Variants in ADAMTS5 observed in about 807,000 individuals in gnomAD.
The protein encoded by ADAMTS5 is ADAM metallopeptidase with thrombospondin type 1 motif 5.
ADAMTS5 carries 54 observed loss-of-function variants against 81.4 expected under a neutral mutation model. The observed-to-expected ratio is 0.66, with a 90% CI of 0.53 to 0.83. The LOEUF (loss-of-function observed/expected upper bound fraction) is 0.83. ADAMTS5 is among the 40% of genes least tolerant of loss of function. The pLI, the probability that ADAMTS5 is intolerant of heterozygous loss-of-function variation, is 0.00. For missense variants in ADAMTS5, 1,194 were observed against 1,229.9 expected, an observed-to-expected ratio of 0.97 and a Z score of 0.44; for synonymous variants, 532 against 508.8, an observed-to-expected ratio of 1.05 and a Z score of -0.61.
At chr21:26,931,693 A>G (rs1372622716) in intron 6 of ADAMTS5, among the ~76,000 whole-genome samples, 1 of 152,188 alleles carries the variant, frequency 6.6e-6, no homozygotes, top group Non-Finnish European at 1.5e-5. Context: ...AGGAAATACT[A>G]GTTGTTTTCA....
intron 2 of ADAMTS5, among the ~76,000 whole-genome samples, chr21:26,949,228 T>C (rs1318214957): frequency 6.8e-6 from 1 of 147,296 alleles, no homozygotes; most frequent in African/African-American, 2.5e-5. Context: ...GAGAGAGTCT[T>C]GCTGTATCAC....
At chr21:26,958,971 T>C (rs930021747) in intron 1 of ADAMTS5, among the ~76,000 whole-genome samples, 1 of 152,174 alleles carries the variant, frequency 6.6e-6, no homozygotes, top group Non-Finnish European at 1.5e-5. Context: ...CAGAGTCTTT[T>C]GGGAATGACA....
chr21:26,924,485 A>G lies in ADAMTS5; in HGVS notation c.2361T>C (p.Asn787=), dbSNP rs747980766. ...CTGAAGTGGAGATCATGTACTTTCC[A>G]TTGATAAGGTACTCACCGTTTTTCT... The part of the protein sequence containing the change: ...LKKKNGEYLI[N]GKYMISTSET... Residue 787 remains asparagine (N), a synonymous_variant, in exon 8 of 8, where the codon AAT becomes AAC. Coordinates refer to ENST00000284987, the MANE Select transcript of ADAMTS5 (RefSeq NM_007038.5). 6.2e-7 allele frequency: 1 copy of G among 1,614,160 alleles called. No homozygotes were observed. Among genetic ancestry groups the G allele is most frequent in the Non-Finnish European group, 8.5e-7 (1 of 1,180,022 alleles).
At chr21:26,936,802 T>C (rs1201476719) in intron 3 of ADAMTS5, among the ~76,000 whole-genome samples, 1 of 152,216 alleles carries the variant, frequency 6.6e-6, no homozygotes, top group Non-Finnish European at 1.5e-5. Context: ...CACTAAGCTT[T>C]GTTTATAAGA....
intron 7 of ADAMTS5, among the ~76,000 whole-genome samples, chr21:26,928,599 C>T (rs963383234): frequency 2.7e-5 from 4 of 149,950 alleles, no homozygotes; most frequent in African/African-American, 9.7e-5. Flanking sequence ...CCCTCTCTCC[C>T]TCCTTTCCTT....
intron 1 of ADAMTS5, among the ~76,000 whole-genome samples, chr21:26,959,970 G>A (rs896457866): frequency 6.6e-6 from 1 of 152,108 alleles, no homozygotes; most frequent in Non-Finnish European, 1.5e-5. Context: ...GCCTTAGCCT[G>A]GCATTCAAAA....
At chr21:26,943,856 A>G (rs897185923) in intron 2 of ADAMTS5, among the ~76,000 whole-genome samples, 1 of 152,152 alleles carries the variant, frequency 6.6e-6, no homozygotes, top group Non-Finnish European at 1.5e-5. Flanking sequence ...AGTTTGCGAG[A>G]CAATTGTGGG....
chr21:26,965,195 A>T, intron 1 of ADAMTS5, 93 bp downstream of exon 1: 1 of 1,491,234 alleles, frequency 6.7e-7, no homozygotes, highest in Non-Finnish European at 9.0e-7. Flanking sequence ...CAGCTGCAGG[A>T]GGTTTGAGGG....
In ADAMTS5 at chr21:26,924,067, A is replaced by G; in HGVS notation, c.2779T>C (p.Leu927=). 1 of 1,595,342 alleles carries G rather than the reference A, an allele frequency of 6.3e-7. No individual in the cohort carries two copies. Among genetic ancestry groups the G allele is most frequent in the South Asian group, 1.1e-5 (1 of 90,212 alleles). Residue 927 remains leucine, a synonymous_variant, in exon 8 of 8, where the codon TTG becomes CTG. Coordinates refer to ENST00000284987, the MANE Select transcript of ADAMTS5 (RefSeq NM_007038.5). ...QRPSAFKQCL[L]KKC The stretch of plus-strand genomic sequence containing the variant: ...ATAACCACAGGCTAACATTTCTTCA[A>G]CAAGCATTGCTTAAACGCAGAAGGC...
At chr21:26,954,452 G>T (rs1475821100) in intron 2 of ADAMTS5, among the ~76,000 whole-genome samples, 1 of 152,064 alleles carries the variant, frequency 6.6e-6, no homozygotes, top group African/African-American at 2.4e-5. Context: ...TTCATCCAGG[G>T]GTCATTTACG....
chr21:26,965,018 T>A (rs1249322030), intron 1 of ADAMTS5, among the ~76,000 whole-genome samples: 2 of 152,226 alleles, frequency 1.3e-5, no homozygotes, highest in East Asian at 3.9e-4. Context: ...TTTACGTTCC[T>A]ATGCCACAAC....
intron 2 of ADAMTS5, among the ~76,000 whole-genome samples, chr21:26,947,193 C>A (rs920654536): frequency 5.3e-5 from 8 of 152,252 alleles, no homozygotes; most frequent in Middle Eastern, 3.4e-3. Context: ...ATCTTTAATT[C>A]TTGATGATGT....
At chr21:26,940,098 C>T (rs1987085417) in intron 3 of ADAMTS5, among the ~76,000 whole-genome samples, 1 of 152,142 alleles carries the variant, frequency 6.6e-6, no homozygotes, top group Admixed American at 6.5e-5. Flanking sequence ...TACAAATGTC[C>T]AGCTACTTAT....
rs190309687 is a variant in ADAMTS5, at chr21:26,951,959, A to G, written c.1237+2780T>C. ...GTTGAAGGCTTATTTTTTATAACACATGTTCATAATATTTAGGCAAAAAGT... is the reference window on the plus strand; with the variant it reads ...GTTGAAGGCTTATTTTTTATAACACGTGTTCATAATATTTAGGCAAAAAGT... On this transcript the variant is annotated intron_variant, in intron 2 of 7. Transcript: ENST00000284987. Among the ~76,000 whole-genome samples the G allele has an allele frequency of 2.0e-4, 30 of 152,204 alleles. No individual in the cohort carries two copies. The East Asian group carries it at 5.4e-3, about 28-fold the overall frequency.
intron 3 of ADAMTS5, among the ~76,000 whole-genome samples, chr21:26,941,606 GA>G (rs1217974408): frequency 6.6e-6 from 1 of 151,946 alleles, no homozygotes; most frequent in Admixed American, 6.6e-5. Flanking sequence ...TTTGCACAGG[GA>G]AAAAAATTTG....
chr21:26,932,098 C>G lies in ADAMTS5; in HGVS notation c.1955G>C (p.Trp652Ser), dbSNP rs1986919809. 1 of 1,614,080 alleles carries G rather than the reference C, an allele frequency of 6.2e-7. No individual in the cohort carries two copies. The highest frequency in any genetic ancestry group is 8.5e-7 in the Non-Finnish European group (1 of 1,180,044). The change falls in exon 6 of 8, where the codon TGG (tryptophan) becomes TCG (serine). Residue 652 changes from tryptophan (W) to serine (S), a missense_variant. By Grantham distance (177) the Trp-to-Ser change is radical. This residue lies in a region of ADAMTS5 where 696 missense variants were observed against 817.6 expected (regional missense o/e 0.85). Coordinates refer to ENST00000284987, the MANE Select transcript of ADAMTS5 (RefSeq NM_007038.5). ...CAGGACACCTGCATATTTGGGAACC[C>G]ATTCCACAAAAGTTTTGACTCCTTT... The part of the protein sequence containing the change: ...DAKGVKTFVE[W>S]VPKYAGVLPA...
At position 26,965,920 on chromosome 21, in the gene ADAMTS5, C is replaced by T; in HGVS notation, c.472G>A (p.Val158Ile). 1 of 1,613,898 alleles carries T rather than the reference C, an allele frequency of 6.2e-7. No homozygotes were observed. The highest frequency in any genetic ancestry group is 8.5e-7 in the Non-Finnish European group (1 of 1,179,972). Residue 158 changes from valine to isoleucine, a missense_variant, in exon 1 of 8, where the codon GTC (valine) becomes ATC (isoleucine). This residue lies in a region of ADAMTS5 where 498 missense variants were observed against 412.3 expected (regional missense o/e 1.21). Coordinates refer to ENST00000284987, the MANE Select transcript of ADAMTS5 (RefSeq NM_007038.5). Reference sequence around the variant, plus strand: ...TTTAGGGTGTAGCGCGCGTGCTTGACCGCGAAGAAGCCGTCGAGACCCCCA... The same window carrying T: ...TTTAGGGTGTAGCGCGCGTGCTTGATCGCGAAGAAGCCGTCGAGACCCCCA... Reference protein sequence around the residue: ...LCGGLDGFFAVKHARYTLKPL... With the variant: ...LCGGLDGFFAIKHARYTLKPL...
intron 2 of ADAMTS5, among the ~76,000 whole-genome samples, chr21:26,945,096 C>T (rs907120163): frequency 8.0e-5 from 12 of 150,860 alleles, no homozygotes; most frequent in African/African-American, 2.9e-4. Context: ...TTAGCAGGGG[C>T]TCATCTAATT....
Position 26,965,509 on chromosome 21 carries a change from CCAGGGTCAGCAGGTAATGCTG to C in ADAMTS5, c.862_882del (p.Gln288_Leu294del). The C allele has an allele frequency of 6.2e-7, 1 of 1,614,196 alleles. No individual in the cohort carries two copies. Among genetic ancestry groups the C allele is most frequent in the Non-Finnish European group, 8.5e-7 (1 of 1,180,012 alleles). On this transcript the variant is annotated inframe_deletion, in exon 1 of 8. Transcript: ENST00000284987. ...CTGTACAGCCTATTGGCGATGGAGGCCAGGGTCAGCAGGTAATGCTGCAGGCCCCGGCCATACAACCGCGCC... is the reference window on the plus strand; with the variant it reads ...CTGTACAGCCTATTGGCGATGGAGGCCAGGCCCCGGCCATACAACCGCGCC...
Sources: allele counts gnomAD v4.1 joint callset (sites outside exome capture counted in the v4.1 genomes callset), GRCh38; gene constraint gnomAD v4.1.1; regional missense constraint gnomAD v4.1.1; transcripts MANE v1.5; gene names NCBI Gene and HGNC (gene_info 2026-07-23, HGNC 2026-07-21).